FRMD7: variants seen among roughly 807,000 people sequenced by gnomAD.
FRMD7 encodes the protein FERM domain-containing protein 7.
In FRMD7, 14 loss-of-function variants were observed where a neutral mutation model predicts 44.1. The observed-to-expected ratio is 0.32, with a 90% CI of 0.21 to 0.50. FRMD7 has a LOEUF of 0.50. Among genes scored for constraint, FRMD7 ranks in the 20% least tolerant of loss-of-function variants. FRMD7 has a pLI of 0.99. For missense variants in FRMD7, 501 were observed against 522.3 expected (o/e 0.96, Z 0.40); for synonymous variants, 212 against 187.4 (o/e 1.13, Z -1.07).
intron 9 of FRMD7, among the ~76,000 whole-genome samples, chrX:132,081,390 T>C (rs1352383691): frequency 8.9e-6 from 1 of 111,914 alleles, no homozygotes; most frequent in Non-Finnish European, 1.9e-5. Context: ...AATAATAAAG[T>C]CTAAAGAGTC....
chrX:132,098,608 G>A (rs1183992546), intron 3 of FRMD7, among the ~76,000 whole-genome samples: 3 of 109,314 alleles, frequency 2.7e-5, no homozygotes, highest in Non-Finnish European at 5.7e-5. Context: ...GCACTAACAT[G>A]TAAAGAGCAG....
Position 132,115,297 on chromosome X carries a change from C to T in FRMD7, c.57+12491G>A, listed in dbSNP as rs747158833. On this transcript the variant is annotated intron_variant, in intron 1 of 11. Coordinates refer to ENST00000298542, the MANE Select transcript of FRMD7 (RefSeq NM_194277.3). ...GATTTAAGGACCTCTGCCATCCTTT[C>T]TCCTCAAGGCTATTTAAATATGGTG... Among the ~76,000 whole-genome samples the T allele has an allele frequency of 5.3e-5, 6 of 112,320 alleles. No individual in the cohort carries two copies. The South Asian group carries it at 2.2e-3, about 41-fold the overall frequency.
At chrX:132,122,514 G>T (rs765153384) in intron 1 of FRMD7, among the ~76,000 whole-genome samples, 11 of 112,329 alleles carry the variant, frequency 9.8e-5, no homozygotes, top group South Asian at 3.7e-4. Flanking sequence ...AAACTTGAAG[G>T]TCATTTAGAT....
In FRMD7 at chrX:132,107,732, T is replaced by A. The variant is rs988764700; in HGVS notation, c.58-7016A>T. 2.7e-5 allele frequency among the ~76,000 whole-genome samples: 3 copies of A among 111,087 alleles called. No individual in the cohort carries two copies. In the East Asian group the frequency reaches 8.4e-4, roughly 31 times the overall value. ...CCTTAATTACATCCTAAAAGTCCTA[T>A]CTAAATAAAGTCACACTGAGGGTTA... On this transcript the variant is annotated intron_variant, in intron 1 of 11. Transcript: ENST00000298542.
intron 1 of FRMD7, among the ~76,000 whole-genome samples, chrX:132,122,313 T>A (rs775751527): frequency 3.2e-4 from 36 of 112,069 alleles, no homozygotes; most frequent in African/African-American, 1.1e-3. Context: ...CCACCTGAAG[T>A]CTCACACCTT....
At chrX:132,105,425 C>T (rs759532351) in intron 1 of FRMD7, among the ~76,000 whole-genome samples, 2 of 111,602 alleles carry the variant, frequency 1.8e-5, no homozygotes, top group African/African-American at 3.3e-5. Flanking sequence ...TTAAAATGGC[C>T]ATACTACCCA....
At chrX:132,091,831 T>A (rs980630854) in intron 5 of FRMD7, among the ~76,000 whole-genome samples, 9 of 110,862 alleles carry the variant, frequency 8.1e-5, no homozygotes, top group Admixed American at 3.8e-4. Flanking sequence ...TGAGACCCCA[T>A]CTCAAAAAAT....
chrX:132,102,717 C>T (rs750260619), intron 1 of FRMD7, among the ~76,000 whole-genome samples: 1 of 111,751 alleles, frequency 8.9e-6, no homozygotes, highest in African/African-American at 3.3e-5. Context: ...GTCATGAGGA[C>T]CAAATTCCAT....
At chrX:132,120,513 A>G (rs1387985834) in intron 1 of FRMD7, among the ~76,000 whole-genome samples, 1 of 112,853 alleles carries the variant, frequency 8.9e-6, no homozygotes, top group Non-Finnish European at 1.9e-5. Context: ...CCACCCACCT[A>G]TAGCTCCAAA....
rs1257010803 is a variant in FRMD7, at chrX:132,127,995, G to A, written c.-151C>T. 1.3e-5 allele frequency: 7 copies of A among 523,253 alleles called. No homozygotes were observed. Among genetic ancestry groups the A allele is most frequent in the African/African-American group, 4.6e-5 (2 of 43,224 alleles). The allele number at this position is 523,253 out of a possible 1,213,427, so 43.1% of individuals were successfully genotyped here. ...CAGCGGGGCACACTTCCGTTTGCTTGAAGTAATGCACACCCAAGGGCATTT... is the reference window on the plus strand; with the variant it reads ...CAGCGGGGCACACTTCCGTTTGCTTAAAGTAATGCACACCCAAGGGCATTT... On this transcript the variant is annotated 5_prime_UTR_variant, in exon 1 of 12. Coordinates refer to ENST00000298542, the MANE Select transcript of FRMD7 (RefSeq NM_194277.3).
intron 1 of FRMD7, among the ~76,000 whole-genome samples, chrX:132,127,503 G>T (rs920928117): frequency 8.9e-6 from 1 of 112,169 alleles, no homozygotes; most frequent in African/African-American, 3.2e-5. Flanking sequence ...TTGGGTAAAA[G>T]AACTAGTTTA....
chrX:132,078,475 C>T lies in FRMD7; in HGVS notation c.1542G>A (p.Glu514=). 2 of 1,211,128 alleles carry T rather than the reference C, an allele frequency of 1.7e-6. No individual in the cohort carries two copies. The highest frequency in any genetic ancestry group is 2.2e-6 in the Non-Finnish European group (2 of 895,081). ...CATAGCTATGTGGACTTGTCCTTTC[C>T]TCTGCTCTAATTGGGGACCATCTGG... ...QVPRWSPIRA[E]ERTSPHSYVE... The change falls in exon 12 of 12, where the codon GAG becomes GAA. Residue 514 remains glutamate, a synonymous_variant. Coordinates refer to ENST00000298542, the MANE Select transcript of FRMD7 (RefSeq NM_194277.3).
intron 5 of FRMD7, among the ~76,000 whole-genome samples, chrX:132,092,990 T>C (rs1165825811): frequency 1.8e-5 from 2 of 111,776 alleles, no homozygotes; most frequent in Non-Finnish European, 3.8e-5. Context: ...GCTGTTTCCT[T>C]TACTGACAAG....
intron 1 of FRMD7, among the ~76,000 whole-genome samples, chrX:132,113,400 C>G (rs1198051085): frequency 9.0e-6 from 1 of 111,286 alleles, no homozygotes; most frequent in Non-Finnish European, 1.9e-5. Context: ...AGATTTAGAT[C>G]CAGAGCAGGT....
At chrX:132,103,501 T>TATCTATCC (rs201515819) in intron 1 of FRMD7, among the ~76,000 whole-genome samples, 17 of 109,121 alleles carry the variant, frequency 1.6e-4, no homozygotes, top group African/African-American at 5.7e-4. Context: ...TCTATCTATC[T>TATCTATCC]ATCTATCTAT....
rs191608880 is a variant in FRMD7 at position 132,098,598 on chromosome X, G to A, written c.205+870C>T. ...GTGGGAACAGACAGAACTTTGGGAA[G>A]CACTAACATGTAAAGAGCAGGTAGA... On this transcript the variant is annotated intron_variant, in intron 3 of 11. Transcript: ENST00000298542. Among the ~76,000 whole-genome samples the A allele has an allele frequency of 2.3e-4, 25 of 109,740 alleles. No individual in the cohort carries two copies. In the East Asian group the frequency reaches 6.9e-3, roughly 30 times the overall value.
chrX:132,087,642 C>G (rs1928035794), intron 5 of FRMD7, among the ~76,000 whole-genome samples: 1 of 110,918 alleles, frequency 9.0e-6, no homozygotes, highest in Non-Finnish European at 1.9e-5. Flanking sequence ...AAATAAATAC[C>G]AATTCTTCAC....
intron 8 of FRMD7, among the ~76,000 whole-genome samples, chrX:132,083,940 C>T (rs1354174882): frequency 2.7e-5 from 3 of 111,865 alleles, no homozygotes; most frequent in Non-Finnish European, 5.6e-5. Flanking sequence ...TCAGTGTGGG[C>T]AACAGTGTGA....
chrX:132,111,736 G>C, intron 1 of FRMD7, among the ~76,000 whole-genome samples: 1 of 112,138 alleles, frequency 8.9e-6, no homozygotes. Context: ...AATTAGAACA[G>C]GAAGTATGGA....
Sources: allele counts gnomAD v4.1 joint callset (sites outside exome capture counted in the v4.1 genomes callset), GRCh38; gene constraint gnomAD v4.1.1; transcripts MANE v1.5; gene names NCBI Gene and HGNC (gene_info 2026-07-23, HGNC 2026-07-21).